Variants in USH1C observed in about 807,000 individuals in gnomAD.
The protein encoded by USH1C is harmonin.
USH1C carries 90 observed loss-of-function variants against 119.3 expected under a neutral mutation model. The observed-to-expected ratio is 0.75, with a 90% CI of 0.64 to 0.90. The LOEUF (loss-of-function observed/expected upper bound fraction) is 0.90. USH1C is among the 40% of genes least tolerant of loss of function. USH1C has a pLI of 0.00. For missense variants in USH1C, 1,165 were observed against 1,167.7 expected, an observed-to-expected ratio of 1.00 and a Z score of 0.03; for synonymous variants, 465 against 443.3, an observed-to-expected ratio of 1.05 and a Z score of -0.62.
At chr11:17,507,805 A>G (rs1849707059) in intron 18 of USH1C, among the ~76,000 whole-genome samples, 1 of 152,146 alleles carries the variant, frequency 6.6e-6, no homozygotes, top group Non-Finnish European at 1.5e-5. Context: ...CTGCACTTGC[A>G]ATGCCCTTGC....
At chr11:17,496,974 G>T in intron 24 of USH1C, 161 bp from the exon 25 acceptor site, 1 of 732,098 alleles carries the variant, frequency 1.4e-6, no homozygotes, top group Non-Finnish European at 2.2e-6. Flanking sequence ...CATGGTCTGA[G>T]GACGTTTCTA....
In USH1C at chr11:17,526,800, C is replaced by T. The variant is rs755514689; in HGVS notation, c.532G>A (p.Glu178Lys). ...GLIPVKSSPD[E>K]PLTWQYVDQF... ...TCCACATACTGCCAAGTGAGGGGCTCATCAGGAGAGCTGATGGGAAGGGAA... is the reference window on the plus strand; with the variant it reads ...TCCACATACTGCCAAGTGAGGGGCTTATCAGGAGAGCTGATGGGAAGGGAA... Residue 178 changes from glutamate to lysine, a missense_variant, in exon 7 of 27, where the codon GAG (glutamate) becomes AAG (lysine). By Grantham distance (56) the Glu-to-Lys change is moderately conservative. Coordinates refer to ENST00000005226, the MANE Select transcript of USH1C (RefSeq NM_153676.4). The T allele has an allele frequency of 4.3e-6, 7 of 1,614,042 alleles. No individual in the cohort carries two copies. Among genetic ancestry groups the T allele is most frequent in the East Asian group, 2.2e-5 (1 of 44,884 alleles).
chr11:17,505,645 G>A (rs1430707945), intron 19 of USH1C, among the ~76,000 whole-genome samples, 185 bp downstream of exon 19: 1 of 152,222 alleles, frequency 6.6e-6, no homozygotes, highest in Non-Finnish European at 1.5e-5. Flanking sequence ...AATTCCACTG[G>A]TCATGTCAAC....
At chr11:17,502,570 A>G (rs1030580903) in intron 20 of USH1C, among the ~76,000 whole-genome samples, 1 of 152,212 alleles carries the variant, frequency 6.6e-6, no homozygotes, top group Non-Finnish European at 1.5e-5. Flanking sequence ...TGTAATGCTT[A>G]CCTAGAAGGT....
Position 17,522,909 on chromosome 11 carries a change from C to T in USH1C, c.894G>A (p.Met298Ile). Reference sequence around the variant, plus strand: ...CCTCTGCCAGCCGCTCCCGGTCTGTCATGAACAGCTCCCGGCCCTCATGGG... The same window carrying T: ...CCTCTGCCAGCCGCTCCCGGTCTGTTATGAACAGCTCCCGGCCCTCATGGG... ...IVAAAGRELF[M>I]TDRERLAEAR... The change falls in exon 12 of 27, where the codon ATG becomes ATA. Residue 298 changes from methionine to isoleucine, a missense_variant. Physicochemically the swap from Met to Ile is conservative, Grantham distance 10 (BLOSUM62 1). Coordinates refer to ENST00000005226, the MANE Select transcript of USH1C (RefSeq NM_153676.4). The T allele has an allele frequency of 1.2e-6, 2 of 1,612,400 alleles. No homozygotes were observed. Among genetic ancestry groups the T allele is most frequent in the Non-Finnish European group, 1.7e-6 (2 of 1,179,330 alleles).
chr11:17,495,232 T>C (rs893926971), intron 26 of USH1C: 8 of 375,724 alleles, frequency 2.1e-5, no homozygotes, highest in African/African-American at 1.4e-4. Context: ...GTTCGAGGCA[T>C]TGTCTGTGTC....
intron 23 of USH1C, among the ~76,000 whole-genome samples, chr11:17,500,523 G>A (rs951301429): frequency 2.6e-5 from 4 of 152,220 alleles, no homozygotes; most frequent in African/African-American, 9.6e-5. Flanking sequence ...GCTAGTTCTG[G>A]CCAAACGTTC....
intron 14 of USH1C, among the ~76,000 whole-genome samples, chr11:17,517,182 A>G (rs1850188434): frequency 6.6e-6 from 1 of 152,160 alleles, no homozygotes; most frequent in Non-Finnish European, 1.5e-5. Flanking sequence ...CAGTGGTACC[A>G]GTGTGCAACA....
At chr11:17,499,729 G>T (rs1849367168) in intron 23 of USH1C, among the ~76,000 whole-genome samples, 1 of 152,252 alleles carries the variant, frequency 6.6e-6, no homozygotes, top group African/African-American at 2.4e-5. Flanking sequence ...GGTCATGGGT[G>T]CAGAGCTGGA....
At chr11:17,533,924 G>GC in intron 1 of USH1C, 1 of 312,842 alleles carries the variant, frequency 3.2e-6, no homozygotes. Flanking sequence ...CCCTCCCCAG[G>GC]CCCCTGCACA....
chr11:17,498,845 A>G (rs935196969), intron 23 of USH1C, among the ~76,000 whole-genome samples: 2 of 152,104 alleles, frequency 1.3e-5, no homozygotes, highest in African/African-American at 4.8e-5. Flanking sequence ...CTGTTTGTTT[A>G]CTGATGGTCT....
rs75815445 is a variant in USH1C at position 17,494,222 on chromosome 11, G to C, written c.*110C>G. ...GGGCCAAAGGGAGTTTGAGATTCCT[G>C]GGTGATAGATTCAGGTCCCAAGGAT... On this transcript the variant is annotated 3_prime_UTR_variant, in exon 27 of 27. Transcript: ENST00000005226. 125 of 1,341,760 alleles carry C rather than the reference G, an allele frequency of 9.3e-5. No individual in the cohort carries two copies. The East Asian group carries it at 3.0e-3, about 32-fold the overall frequency. The allele number at this position is 1,341,760 out of a possible 1,614,324, so 83.1% of individuals were successfully genotyped here.
chr11:17,522,455 T>TA lies in USH1C; in HGVS notation c.1019+328dup, dbSNP rs1850454013. Among the ~76,000 whole-genome samples the TA allele has an allele frequency of 2.6e-5, 4 of 152,238 alleles. No individual in the cohort carries two copies. In the South Asian group the frequency reaches 8.3e-4, roughly 32 times the overall value. ...TTAAGAAACATAAACAAGGCCCTAA[T>TA]ACAACACCAGCCTTATGGAGGTACT... On this transcript the variant is annotated intron_variant, in intron 12 of 26. Coordinates refer to ENST00000005226, the MANE Select transcript of USH1C (RefSeq NM_153676.4).
At chr11:17,523,504 G>C (rs1565052397) in intron 9 of USH1C, 26 bp from the exon 10 acceptor site, 1 of 1,613,058 alleles carries the variant, frequency 6.2e-7, no homozygotes, top group Non-Finnish European at 8.5e-7. Flanking sequence ...AGAAAGATTA[G>C]TGTGTTTGCG....
chr11:17,530,147 C>T (rs1477209976), intron 4 of USH1C, among the ~76,000 whole-genome samples: 1 of 152,234 alleles, frequency 6.6e-6, no homozygotes, highest in African/African-American at 2.4e-5. Flanking sequence ...CTTCGAGCCC[C>T]TTGAAAGCCC....
In USH1C at chr11:17,509,412, T is replaced by A; in HGVS notation, c.1957A>T (p.Ser653Cys). 1 of 1,604,354 alleles carries A rather than the reference T, an allele frequency of 6.2e-7. No individual in the cohort carries two copies. ...ACAGGGGAGTTAGTGGGCTTCCCAC[T>A]GTGGTTCTTTGCCTCCCAGTCCTCC... ...PVEDWEAKNH[S>C]GKPTNSPVPE... The change falls in exon 18 of 27, where the codon AGT (serine) becomes TGT (cysteine). Residue 653 changes from serine (S) to cysteine (C), a missense_variant. Coordinates refer to ENST00000005226, the MANE Select transcript of USH1C (RefSeq NM_153676.4).
chr11:17,505,305 T>C (rs957878771), intron 19 of USH1C, among the ~76,000 whole-genome samples: 15 of 152,234 alleles, frequency 9.9e-5, no homozygotes, highest in African/African-American at 3.6e-4. Context: ...CAACAGGCCT[T>C]AGGGCAGGGG....
chr11:17,524,317 G>T, intron 9 of USH1C, 134 bp downstream of exon 9: 1 of 922,344 alleles, frequency 1.1e-6, no homozygotes, highest in South Asian at 1.4e-5. Flanking sequence ...TCTGCAGGGT[G>T]GGTAGGGCTC....
Position 17,531,066 on chromosome 11 carries a change from G to A in USH1C, c.387+88C>T. The stretch of plus-strand genomic sequence containing the variant: ...AAGGCTCAGAAAAGTGGGTGACCAT[G>A]TTGTGCCACACAGCCTAGTGGATGA... On this transcript the variant is annotated intron_variant, in intron 4 of 26. Coordinates refer to ENST00000005226, the MANE Select transcript of USH1C (RefSeq NM_153676.4). The surrounding 1 kb of genome is among the most constrained non-coding windows in gnomAD (Gnocchi z 4.2). 1.3e-6 allele frequency: 2 copies of A among 1,598,622 alleles called. No individual in the cohort carries two copies. Among genetic ancestry groups the A allele is most frequent in the Non-Finnish European group, 1.7e-6 (2 of 1,171,942 alleles).
Sources: allele counts gnomAD v4.1 joint callset (sites outside exome capture counted in the v4.1 genomes callset), GRCh38; gene constraint gnomAD v4.1.1; non-coding constraint Gnocchi (gnomAD v3.1); transcripts MANE v1.5; gene names NCBI Gene and HGNC (gene_info 2026-07-23, HGNC 2026-07-21).